The following PTPN12 variants were observed in gnomAD, a reference collection of about 807,000 sequenced individuals.
The protein encoded by PTPN12 is protein tyrosine phosphatase non-receptor type 12.
A neutral mutation model predicts 97.6 loss-of-function variants in PTPN12; 29 were observed. The ratio of observed to expected loss-of-function variants is 0.30; its 90% CI spans 0.22 to 0.41. The LOEUF is 0.41. Among genes scored for constraint, PTPN12 ranks in the 10% least tolerant of loss-of-function variants. The pLI, the probability that PTPN12 is intolerant of heterozygous loss-of-function variation, is 1.00. For synonymous variants in PTPN12, 327 were observed against 300.4 expected (o/e 1.09, Z -0.91); for missense variants, 819 against 926.0 (o/e 0.88, Z 1.50).
At chr7:77,620,042 G>C (rs1390586927) in intron 12 of PTPN12, among the ~76,000 whole-genome samples, 2 of 152,140 alleles carry the variant, frequency 1.3e-5, no homozygotes, top group African/African-American at 2.4e-5. Flanking sequence ...CCATATAGGA[G>C]CCCTAGAATC....
intron 8 of PTPN12, among the ~76,000 whole-genome samples, chr7:77,602,971 G>A (rs1424982822): frequency 6.6e-6 from 1 of 152,144 alleles, no homozygotes; most frequent in Non-Finnish European, 1.5e-5. Context: ...AAGCATTGAA[G>A]ATAGTTTTCT....
chr7:77,595,315 T>G (rs1015477836), intron 6 of PTPN12, among the ~76,000 whole-genome samples: 1 of 152,226 alleles, frequency 6.6e-6, no homozygotes, highest in African/African-American at 2.4e-5. Flanking sequence ...AGCATGTTGG[T>G]AAAAATATTC....
intron 1 of PTPN12, among the ~76,000 whole-genome samples, chr7:77,559,007 C>G (rs1562711241): frequency 6.6e-6 from 1 of 152,132 alleles, no homozygotes; most frequent in Non-Finnish European, 1.5e-5. Context: ...GAACAAGACT[C>G]TCTCTCTGAA....
At chr7:77,609,444 G>T (rs758974457) in intron 9 of PTPN12, among the ~76,000 whole-genome samples, 1 of 151,100 alleles carries the variant, frequency 6.6e-6, no homozygotes, top group Non-Finnish European at 1.5e-5. Flanking sequence ...GCTAATTTTT[G>T]TATTTTTAGT....
chr7:77,574,408 G>A (rs990050879), intron 2 of PTPN12, among the ~76,000 whole-genome samples: 2 of 152,182 alleles, frequency 1.3e-5, no homozygotes, highest in Admixed American at 1.3e-4. Context: ...TTGCAAACAG[G>A]AAACTGAGAC....
Position 77,627,581 on chromosome 7 carries a change from C to T in PTPN12, c.1902C>T (p.Ala634=). 6.2e-7 allele frequency: 1 copy of T among 1,613,788 alleles called. No individual in the cohort carries two copies. The highest frequency in any genetic ancestry group is 1.3e-5 in the African/African-American group (1 of 75,050). The change falls in exon 13 of 18, where the codon GCC becomes GCT. Residue 634 remains alanine, a synonymous_variant. Transcript: ENST00000248594. ...CAGCAAGTGCCACAGTTTCTGCTGC[C>T]ACTAGTACTGAAAGCATTTCTACTA... is the stretch of plus-strand genomic sequence containing the variant. ...ISTASATVSA[A]TSTESISTRK... is the part of the protein sequence containing the mutation.
chr7:77,609,273 CT>C (rs34358650), intron 9 of PTPN12, among the ~76,000 whole-genome samples: 49 of 126,898 alleles, frequency 3.9e-4, no homozygotes, highest in Middle Eastern at 4.2e-3. Flanking sequence ...CTCTCTCTCT[CT>C]TTTTTTTTTT....
At chr7:77,563,079 T>C (rs1381979935) in intron 1 of PTPN12, among the ~76,000 whole-genome samples, 1 of 152,136 alleles carries the variant, frequency 6.6e-6, no homozygotes, top group Non-Finnish European at 1.5e-5. Flanking sequence ...AAAAACATTC[T>C]CAAAATCAAG....
chr7:77,607,276 A>T lies in PTPN12; in HGVS notation c.737A>T (p.Tyr246Phe), dbSNP rs1281291391. Residue 246 changes from tyrosine to phenylalanine, a missense_variant, in exon 9 of 18, where the codon TAT (tyrosine) becomes TTT (phenylalanine). Physicochemically the swap from Tyr to Phe is conservative, Grantham distance 22. Around this residue, in one of 5 missense-constraint regions of PTPN12, gnomAD observed 42 missense variants for 120.9 expected, o/e 0.35. Coordinates refer to ENST00000248594, the MANE Select transcript of PTPN12 (RefSeq NM_002835.4). The stretch of plus-strand genomic sequence containing the variant: ...ACAGGTGCCATTTGTGCCATAGATT[A>T]TACGTGGAATTTACTAAAAGCTGGG... ...GRTGAICAID[Y>F]TWNLLKAGKI... The T allele has an allele frequency of 1.2e-6, 2 of 1,611,794 alleles. No homozygotes were observed. The highest frequency in any genetic ancestry group is 2.2e-5 in the East Asian group (1 of 44,772).
chr7:77,602,713 G>A (rs546541475), intron 8 of PTPN12, among the ~76,000 whole-genome samples: 1 of 151,948 alleles, frequency 6.6e-6, no homozygotes. Context: ...ATAGGTATGG[G>A]TTTCTACATA....
chr7:77,543,108 A>G (rs917733060), intron 1 of PTPN12, among the ~76,000 whole-genome samples: 1 of 152,232 alleles, frequency 6.6e-6, no homozygotes, highest in Non-Finnish European at 1.5e-5. Context: ...AGTTATTACC[A>G]GAGTCAAATA....
chr7:77,566,852 A>T (rs1014095723), intron 1 of PTPN12, among the ~76,000 whole-genome samples: 1 of 152,164 alleles, frequency 6.6e-6, no homozygotes, highest in Non-Finnish European at 1.5e-5. Context: ...TACGGACATC[A>T]TTTAGCTATA....
At chr7:77,557,940 G>T (rs1807796243) in intron 1 of PTPN12, among the ~76,000 whole-genome samples, 1 of 152,112 alleles carries the variant, frequency 6.6e-6, no homozygotes, top group Non-Finnish European at 1.5e-5. Flanking sequence ...GCCGGGCGTG[G>T]TGGCTCACAC....
Position 77,626,732 on chromosome 7 carries a change from A to G in PTPN12, c.1053A>G (p.Glu351=), listed in dbSNP as rs1234251412. ...GCCTTGTTGAAGGGGATGCTAAAGA[A>G]GAAATACTGCAGCCACCGGAACCTC... ...RSCLVEGDAK[E]EILQPPEPHP... Residue 351 remains glutamate (E), a synonymous_variant, in exon 13 of 18, where the codon GAA becomes GAG. Transcript: ENST00000248594. The G allele has an allele frequency of 1.2e-6, 2 of 1,604,344 alleles. No individual in the cohort carries two copies. Among genetic ancestry groups the G allele is most frequent in the South Asian group, 2.2e-5 (2 of 89,988 alleles).
At chr7:77,610,432 A>G (rs1341008442) in intron 9 of PTPN12, among the ~76,000 whole-genome samples, 1 of 152,190 alleles carries the variant, frequency 6.6e-6, no homozygotes. Flanking sequence ...GTGCTTATGT[A>G]TATTTCCTTC....
At chr7:77,607,404 T>A in intron 9 of PTPN12, 103 bp downstream of exon 9, 1 of 875,512 alleles carries the variant, frequency 1.1e-6, no homozygotes, top group Non-Finnish European at 1.7e-6. Context: ...TTATACATGT[T>A]ATTTTTTCCA....
At chr7:77,625,819 C>T (rs562960308) in intron 12 of PTPN12, among the ~76,000 whole-genome samples, 1 of 151,862 alleles carries the variant, frequency 6.6e-6, no homozygotes, top group Non-Finnish European at 1.5e-5. Flanking sequence ...ATCCACCCAC[C>T]TTGGCCTCCC....
At chr7:77,614,570 A>G (rs534978496) in intron 11 of PTPN12, among the ~76,000 whole-genome samples, 36 of 149,436 alleles carry the variant, frequency 2.4e-4, no homozygotes, top group African/African-American at 7.9e-4. Flanking sequence ...GATAAATAGT[A>G]AAAAAAAACA....
chr7:77,537,700 G>A lies in PTPN12; in HGVS notation c.99+55G>A, dbSNP rs905254503. The A allele has an allele frequency of 7.9e-6, 12 of 1,516,546 alleles. 1 individual carries two copies. Among genetic ancestry groups the A allele is most frequent in the South Asian group, 3.7e-5 (3 of 81,196 alleles). The allele number at this position is 1,516,546 out of a possible 1,614,324, so 93.9% of individuals were successfully genotyped here. The stretch of plus-strand genomic sequence containing the variant: ...CTTGCCGGCGCCGGAGCCCATCGCC[G>A]CCTCTCCCGGCCGGGCCGCCAGTGC... On this transcript the variant is annotated intron_variant, in intron 1 of 17. Coordinates refer to ENST00000248594, the MANE Select transcript of PTPN12 (RefSeq NM_002835.4).
Sources: gnomAD v4.1 joint callset for allele counts (sites outside exome capture counted in the v4.1 genomes callset) on GRCh38, gnomAD v4.1.1 for gene constraint, gnomAD v4.1.1 regional missense constraint, MANE v1.5 for transcripts, NCBI Gene and HGNC (gene_info 2026-07-23, HGNC 2026-07-21) for gene names.